ARMH4: variants seen among roughly 807,000 people sequenced by gnomAD.
ARMH4 encodes armadillo-like helical domain-containing protein 4.
ARMH4 carries 49 observed loss-of-function variants against 61.9 expected under a neutral mutation model. The observed-to-expected ratio is 0.79, with a 90% CI of 0.63 to 1.00. ARMH4 has a LOEUF of 1.00. Among genes scored for constraint, ARMH4 ranks in the 50% least tolerant of loss-of-function variants. The probability of loss-of-function intolerance (pLI) is 0.00; values close to 1 mark genes in which losing one functional copy is unlikely to be tolerated. For missense variants in ARMH4, 934 were observed against 930.0 expected (o/e 1.00, Z -0.06); for synonymous variants, 368 against 341.5 (o/e 1.08, Z -0.85).
intron 1 of ARMH4, 39 bp from the exon 2 acceptor site, chr14:58,139,453 A>G (rs745497280): frequency 7.1e-6 from 8 of 1,130,900 alleles, no homozygotes; most frequent in African/African-American, 1.5e-5. Flanking sequence ...TCATATAAAT[A>G]CATGTTGTAA....
chr14:58,069,086 A>G (rs564467289), intron 5 of ARMH4, among the ~76,000 whole-genome samples: 31 of 152,266 alleles, frequency 2.0e-4, no homozygotes, highest in Middle Eastern at 3.4e-3. Flanking sequence ...TCCCCTGACC[A>G]TCATCAGTTC....
intron 1 of ARMH4, chr14:58,141,454 T>G (rs1159989201): frequency 3.7e-6 from 2 of 541,764 alleles, no homozygotes; most frequent in East Asian, 9.7e-5. Flanking sequence ...TCTCTCAGGC[T>G]ACAACATCCA....
intron 5 of ARMH4, among the ~76,000 whole-genome samples, chr14:58,082,506 A>C (rs1885260118): frequency 6.6e-6 from 1 of 152,242 alleles, no homozygotes; most frequent in Non-Finnish European, 1.5e-5. Context: ...TCCAGGGTCA[A>C]TGGCAGCAAA....
At chr14:58,079,258 C>T (rs923635870) in intron 5 of ARMH4, among the ~76,000 whole-genome samples, 1 of 152,296 alleles carries the variant, frequency 6.6e-6, no homozygotes, top group African/African-American at 2.4e-5. Flanking sequence ...AAACTTATTT[C>T]TCACAGTTCT....
At chr14:58,004,932 A>G (rs1882105970) in intron 7 of ARMH4, 116 bp downstream of exon 7, 19 of 1,538,756 alleles carry the variant, frequency 1.2e-5, no homozygotes, top group Non-Finnish European at 1.6e-5. Context: ...AATCCAGACC[A>G]CTGGGCACGT....
intron 5 of ARMH4, among the ~76,000 whole-genome samples, chr14:58,055,455 T>C (rs939325343): frequency 6.6e-6 from 1 of 152,224 alleles, no homozygotes; most frequent in Admixed American, 6.5e-5. Context: ...TTCCTGGGTG[T>C]CAGGATCTTA....
At chr14:58,090,896 GAAAGA>G (rs1203735057) in intron 5 of ARMH4, among the ~76,000 whole-genome samples, 4 of 137,196 alleles carry the variant, frequency 2.9e-5, no homozygotes, top group African/African-American at 5.5e-5. Context: ...AAAAAAAAAA[GAAAGA>G]AAAGAAAAGA....
rs567630299 is a variant in ARMH4, at chr14:58,032,912, A to G, written c.2090-20762T>C. 8.1e-4 allele frequency among the ~76,000 whole-genome samples: 123 copies of G among 151,580 alleles called. 1 individual carries two copies. The highest frequency in any genetic ancestry group is 2.1e-3 in the Admixed American group (32 of 15,250). ...GCTCGGAGGGTCCTACGCCCACGGA[A>G]TCTCGCTGATTGCTAGCACAGCAGT... On this transcript the variant is annotated intron_variant, in intron 5 of 7. Coordinates refer to ENST00000267485, the MANE Select transcript of ARMH4 (RefSeq NM_001001872.4).
intron 5 of ARMH4, among the ~76,000 whole-genome samples, chr14:58,075,834 A>G (rs1021009846): frequency 4.0e-4 from 61 of 152,312 alleles, no homozygotes; most frequent in African/African-American, 1.4e-3. Flanking sequence ...TGGCTCTGCC[A>G]TTTACTGAAA....
chr14:58,104,212 C>T (rs530854248), intron 4 of ARMH4, among the ~76,000 whole-genome samples: 4 of 152,262 alleles, frequency 2.6e-5, no homozygotes, highest in African/African-American at 9.6e-5. Flanking sequence ...GAAAATAAAA[C>T]CGAGGAGTAC....
intron 5 of ARMH4, among the ~76,000 whole-genome samples, chr14:58,020,728 T>C (rs1482037388): frequency 1.3e-5 from 2 of 152,110 alleles, no homozygotes; most frequent in Non-Finnish European, 2.9e-5. Flanking sequence ...CATCCTTAGC[T>C]CTCCACTGGG....
chr14:58,058,634 G>A (rs1426212461), intron 5 of ARMH4, among the ~76,000 whole-genome samples: 5 of 152,154 alleles, frequency 3.3e-5, no homozygotes, highest in Non-Finnish European at 7.3e-5. Flanking sequence ...GCATGCTAAT[G>A]CATTATAATT....
At position 58,086,843 on chromosome 14, in the gene ARMH4, C is replaced by T. The variant is rs76656487; in HGVS notation, c.2089+9881G>A. Among the ~76,000 whole-genome samples the T allele has an allele frequency of 8.0e-3, 1,214 of 152,234 alleles. 17 individuals carry two copies. Among genetic ancestry groups the T allele is most frequent in the African/African-American group, 0.028 (1,152 of 41,534 alleles). On this transcript the variant is annotated intron_variant, in intron 5 of 7. Transcript: ENST00000267485. ...CGTGAGTTAGGGTTCCCAGGAAAGG[C>T]TTCGGCCAGATCCAGGTGTAGACAC... is the stretch of plus-strand genomic sequence containing the variant.
At chr14:58,124,307 G>A (rs534022973) in intron 4 of ARMH4, among the ~76,000 whole-genome samples, 4 of 152,312 alleles carry the variant, frequency 2.6e-5, no homozygotes, top group African/African-American at 9.6e-5. Flanking sequence ...AGAAAAAACA[G>A]GAATAGCTCT....
intron 5 of ARMH4, among the ~76,000 whole-genome samples, chr14:58,041,190 G>A (rs1883689386): frequency 6.6e-6 from 1 of 152,088 alleles, no homozygotes; most frequent in Admixed American, 6.5e-5. Flanking sequence ...AAGCGTAAGG[G>A]GTCAGAGAAT....
intron 2 of ARMH4, among the ~76,000 whole-genome samples, chr14:58,137,531 T>A (rs1473340942): frequency 6.6e-6 from 1 of 152,142 alleles, no homozygotes; most frequent in Non-Finnish European, 1.5e-5. Context: ...CCCGAGTAGC[T>A]GGGATTACAG....
At chr14:58,011,847 T>C (rs1882421374) in intron 6 of ARMH4, among the ~76,000 whole-genome samples, 1 of 151,642 alleles carries the variant, frequency 6.6e-6, no homozygotes, top group Non-Finnish European at 1.5e-5. Flanking sequence ...ATGTCAATGA[T>C]ATTATTCTGT....
intron 6 of ARMH4, among the ~76,000 whole-genome samples, chr14:58,008,661 G>C (rs1002481810): frequency 6.6e-6 from 1 of 152,144 alleles, no homozygotes; most frequent in Non-Finnish European, 1.5e-5. Flanking sequence ...CATGGATCAG[G>C]AACACCTGCA....
Position 58,139,103 on chromosome 14 carries a change from A to T in ARMH4, c.256T>A (p.Leu86Ile). The change falls in exon 2 of 8, where the codon TTA (leucine) becomes ATA (isoleucine). Residue 86 changes from leucine (L) to isoleucine (I), a missense_variant. Physicochemically the swap from Leu to Ile is conservative, Grantham distance 5 (BLOSUM62 2). Transcript: ENST00000267485. ...MMSAVPSATS[L>I]NKAFSINKET... ...TTGTTAATCGAGAATGCTTTATTTA[A>T]TGATGTTGCCGATGGTACTGCTGAC... 1 of 1,614,182 alleles carries T rather than the reference A, an allele frequency of 6.2e-7. No individual in the cohort carries two copies. Among genetic ancestry groups the T allele is most frequent in the Non-Finnish European group, 8.5e-7 (1 of 1,180,032 alleles).
Sources: allele counts gnomAD v4.1 joint callset (sites outside exome capture counted in the v4.1 genomes callset), GRCh38; gene constraint gnomAD v4.1.1; transcripts MANE v1.5; gene names NCBI Gene and HGNC (gene_info 2026-07-23, HGNC 2026-07-21).